Variants in ATRN observed in about 807,000 individuals in gnomAD.
ATRN encodes the protein attractin.
In ATRN, 54 loss-of-function variants were observed where a neutral mutation model predicts 178.7. The ratio of observed to expected loss-of-function variants is 0.30; its 90% CI spans 0.24 to 0.38. ATRN has a LOEUF of 0.38. ATRN is among the 10% of genes least tolerant of loss of function. The pLI is 1.00. For synonymous variants in ATRN, 636 were observed against 663.0 expected (o/e 0.96, Z 0.63); for missense variants, 1,443 against 1,815.1 (o/e 0.79, Z 3.73).
At chr20:3,500,861 A>T (rs116211755) in intron 1 of ATRN, among the ~76,000 whole-genome samples, 11,755 of 152,114 alleles carry the variant, frequency 0.077, 585 homozygotes, top group African/African-American at 0.13. Context: ...AAAAAAATTT[A>T]AAAAAATAAA....
At chr20:3,485,267 C>A (rs1364247470) in intron 1 of ATRN, among the ~76,000 whole-genome samples, 1 of 152,138 alleles carries the variant, frequency 6.6e-6, no homozygotes, top group African/African-American at 2.4e-5. Context: ...AGTCATGCTG[C>A]CAATAAGTTG....
intron 27 of ATRN, among the ~76,000 whole-genome samples, chr20:3,640,570 TTGTA>T (rs2087060036): frequency 6.6e-6 from 1 of 152,154 alleles, no homozygotes; most frequent in Non-Finnish European, 1.5e-5. Context: ...CATAATGAAA[TTGTA>T]TAACTCCAAA....
intron 1 of ATRN, among the ~76,000 whole-genome samples, chr20:3,475,904 G>A (rs953247107): frequency 1.3e-5 from 2 of 152,204 alleles, no homozygotes; most frequent in African/African-American, 4.8e-5. Context: ...CAACACTTTG[G>A]GAGGCAGAGG....
chr20:3,475,291 G>T (rs957339054), intron 1 of ATRN, among the ~76,000 whole-genome samples: 2 of 152,128 alleles, frequency 1.3e-5, no homozygotes, highest in Non-Finnish European at 2.9e-5. Flanking sequence ...AGGCTAACGA[G>T]GAGTGGATTT....
chr20:3,483,067 T>G (rs1291830460), intron 1 of ATRN, among the ~76,000 whole-genome samples: 5 of 152,176 alleles, frequency 3.3e-5, no homozygotes, highest in Admixed American at 3.3e-4. Context: ...CAGAGGTAAC[T>G]AGTATGGTGA....
chr20:3,558,049 C>T (rs2085901743), intron 6 of ATRN, among the ~76,000 whole-genome samples: 1 of 152,198 alleles, frequency 6.6e-6, no homozygotes, highest in Non-Finnish European at 1.5e-5. Context: ...ACACTGCTAA[C>T]ACAGTTGAAG....
chr20:3,512,035 C>CTT (rs34065702), intron 1 of ATRN, among the ~76,000 whole-genome samples: 17 of 115,900 alleles, frequency 1.5e-4, no homozygotes, highest in Middle Eastern at 4.1e-3. Flanking sequence ...TTTTACCTGA[C>CTT]TTTTTTTTTT....
chr20:3,486,265 C>T (rs1158605345), intron 1 of ATRN, among the ~76,000 whole-genome samples: 1 of 151,402 alleles, frequency 6.6e-6, no homozygotes, highest in Non-Finnish European at 1.5e-5. Flanking sequence ...CATAGCCAGT[C>T]TTTTTCACTT....
In ATRN at chr20:3,535,253, A is replaced by T. The variant is rs760838177; in HGVS notation, c.411A>T (p.Arg137Ser). The change falls in exon 2 of 29, where the codon AGA becomes AGT. Residue 137 changes from arginine (R) to serine (S), a missense_variant and splice_region_variant. By Grantham distance (110) the Arg-to-Ser change is moderately radical. This residue lies in a region of ATRN where 862 missense variants were observed against 972.1 expected (regional missense o/e 0.89). Coordinates refer to ENST00000262919, the MANE Select transcript of ATRN (RefSeq NM_139321.3). ...TTTTCTTTCTTGATTTAAATTACAG[A>T]CTAACTGGATCTTCTGGGTTTGTGA... ...EQCQHCGGRF[R>S]LTGSSGFVTD... is the part of the protein sequence containing the mutation. 1.9e-5 allele frequency: 28 copies of T among 1,478,834 alleles called. No individual in the cohort carries two copies. Among genetic ancestry groups the T allele is most frequent in the Non-Finnish European group, 2.5e-5 (28 of 1,099,682 alleles). The allele number at this position is 1,478,834 out of a possible 1,614,324, so 91.6% of individuals were successfully genotyped here.
chr20:3,485,703 C>T (rs1475631948), intron 1 of ATRN, among the ~76,000 whole-genome samples: 1 of 145,352 alleles, frequency 6.9e-6, no homozygotes, highest in Admixed American at 7.1e-5. Flanking sequence ...CTCACTGCAA[C>T]CTCTGCCTCC....
At position 3,601,134 on chromosome 20, in the gene ATRN, C is replaced by T. The variant is rs994499835; in HGVS notation, c.3643+110C>T. 9.0e-5 allele frequency: 78 copies of T among 869,550 alleles called. No individual in the cohort carries two copies. The African/African-American group carries it at 1.2e-3, about 13-fold the overall frequency. The allele number at this position is 869,550 out of a possible 1,614,324, so 53.9% of individuals were successfully genotyped here. A position where few individuals can be genotyped will look rare whatever the true frequency, so the allele number is the denominator to read the frequency against. On this transcript the variant is annotated intron_variant, in intron 23 of 28. Coordinates refer to ENST00000262919, the MANE Select transcript of ATRN (RefSeq NM_139321.3). ...GGAGACAGATTGGTTTGAAACCCAC[C>T]CTTGCCACTTACTAGCTATGAGACC... is the stretch of plus-strand genomic sequence containing the variant.
chr20:3,584,203 G>T, intron 17 of ATRN, 120 bp downstream of exon 17: 1 of 1,098,362 alleles, frequency 9.1e-7, no homozygotes. Context: ...CATGACCTCT[G>T]CTCAAACCTG....
At chr20:3,495,871 T>C (rs2084872078) in intron 1 of ATRN, among the ~76,000 whole-genome samples, 1 of 151,968 alleles carries the variant, frequency 6.6e-6, no homozygotes, top group African/African-American at 2.4e-5. Flanking sequence ...TTTGTGCATA[T>C]ATATAAACAC....
intron 6 of ATRN, among the ~76,000 whole-genome samples, chr20:3,555,464 A>AG (rs2085864362): frequency 6.6e-6 from 1 of 152,148 alleles, no homozygotes; most frequent in African/African-American, 2.4e-5. Context: ...ATCAGGTGAA[A>AG]GGGGGAGAAA....
At chr20:3,624,415 T>G in intron 24 of ATRN, 96 bp from the exon 25 acceptor site, 1 of 1,120,484 alleles carries the variant, frequency 8.9e-7, no homozygotes. Context: ...CTTTAAAATG[T>G]AAGCTCTGTT....
At chr20:3,501,388 G>A (rs1359011959) in intron 1 of ATRN, among the ~76,000 whole-genome samples, 1 of 152,154 alleles carries the variant, frequency 6.6e-6, no homozygotes, top group East Asian at 1.9e-4. Flanking sequence ...GCCAGACTCT[G>A]TTCTGTAAAT....
chr20:3,524,861 G>A (rs1163030242), intron 1 of ATRN, among the ~76,000 whole-genome samples: 1 of 152,184 alleles, frequency 6.6e-6, no homozygotes, highest in East Asian at 1.9e-4. Flanking sequence ...AAACCAGTGA[G>A]AACAAAGACA....
At chr20:3,570,704 C>A (rs1262836561) in intron 11 of ATRN, among the ~76,000 whole-genome samples, 1 of 152,114 alleles carries the variant, frequency 6.6e-6, no homozygotes. Context: ...CTTTTCTTCC[C>A]AGTATAACAA....
chr20:3,573,824 G>A (rs1311766747), intron 12 of ATRN, among the ~76,000 whole-genome samples: 1 of 152,018 alleles, frequency 6.6e-6, no homozygotes, highest in Non-Finnish European at 1.5e-5. Flanking sequence ...GAGTACAGCA[G>A]CGTGATCTCA....
Sources: gnomAD v4.1 joint callset for allele counts (sites outside exome capture counted in the v4.1 genomes callset) on GRCh38, gnomAD v4.1.1 for gene constraint, gnomAD v4.1.1 regional missense constraint, MANE v1.5 for transcripts, NCBI Gene and HGNC (gene_info 2026-07-23, HGNC 2026-07-21) for gene names.